The following LAMA2 variants were observed in gnomAD, a reference collection of about 807,000 sequenced individuals.
The protein encoded by LAMA2 is laminin subunit alpha 2.
LAMA2 carries 269 observed loss-of-function variants against 364.8 expected under a neutral mutation model. That is an observed-to-expected ratio of 0.74 (90% confidence interval 0.67 to 0.82). The LOEUF is 0.82. Among genes scored for constraint, LAMA2 ranks in the 40% least tolerant of loss-of-function variants. The pLI, the probability that LAMA2 is intolerant of heterozygous loss-of-function variation, is 0.00. For synonymous variants in LAMA2, 1,379 were observed against 1,370.6 expected (o/e 1.01, Z -0.14); for missense variants, 3,807 against 3,873.2 (o/e 0.98, Z 0.45).
chr6:129,304,785 G>A (rs534194465), intron 22 of LAMA2, among the ~76,000 whole-genome samples: 90 of 152,180 alleles, frequency 5.9e-4, no homozygotes, highest in African/African-American at 2.0e-3. Flanking sequence ...TCAAGGTATC[G>A]TTACTGTTAC....
chr6:129,080,127 C>A (rs1274397074), intron 3 of LAMA2, among the ~76,000 whole-genome samples: 1 of 152,042 alleles, frequency 6.6e-6, no homozygotes, highest in Non-Finnish European at 1.5e-5. Flanking sequence ...AGACACTGGA[C>A]AAAATATTTT....
intron 40 of LAMA2, among the ~76,000 whole-genome samples, chr6:129,423,324 G>A (rs909413759): frequency 1.3e-5 from 2 of 151,846 alleles, no homozygotes; most frequent in Admixed American, 1.3e-4. Flanking sequence ...CCAGTACAAG[G>A]GGCAAGAAAA....
In LAMA2 at chr6:129,088,360, C is replaced by T. The variant is rs191542415; in HGVS notation, c.397-9813C>T. Among the ~76,000 whole-genome samples the T allele has an allele frequency of 1.8e-4, 27 of 150,156 alleles. No homozygotes were observed. In the East Asian group the frequency reaches 5.2e-3, roughly 29 times the overall value. Reference sequence around the variant, plus strand: ...TCCCCACATTTCCCCCTTTTCTATTCCACAAAACCACCATCATCATCATGG... The same window carrying T: ...TCCCCACATTTCCCCCTTTTCTATTTCACAAAACCACCATCATCATCATGG... On this transcript the variant is annotated intron_variant, in intron 3 of 64. Transcript: ENST00000421865.
At position 129,445,741 on chromosome 6, in the gene LAMA2, A is replaced by G; in HGVS notation, c.6349A>G (p.Lys2117Glu). The stretch of plus-strand genomic sequence containing the variant: ...GCTAATAGATAAACTCAAACCCATC[A>G]AGGAACTTGAGGATAACCTAAAGAA... The part of the protein sequence containing the change: ...DRLIDKLKPI[K>E]ELEDNLKKNI... The change falls in exon 45 of 65, where the codon AAG becomes GAG. Residue 2117 changes from lysine to glutamate, a missense_variant. Physicochemically the swap from Lys to Glu is moderately conservative, Grantham distance 56. Coordinates refer to ENST00000421865, the MANE Select transcript of LAMA2 (RefSeq NM_000426.4). The G allele has an allele frequency of 6.2e-7, 1 of 1,613,854 alleles. No homozygotes were observed. The highest frequency in any genetic ancestry group is 1.1e-5 in the South Asian group (1 of 91,080).
intron 2 of LAMA2, among the ~76,000 whole-genome samples, chr6:129,057,491 A>G (rs1788567083): frequency 6.6e-6 from 1 of 152,190 alleles, no homozygotes; most frequent in Non-Finnish European, 1.5e-5. Context: ...AATATATTGG[A>G]GGTTATTATT....
intron 42 of LAMA2, 110 bp from the exon 43 acceptor site, chr6:129,440,706 T>C: frequency 1.0e-6 from 1 of 960,444 alleles, no homozygotes. Context: ...CCTTTTCCCT[T>C]TGTAAATGTG....
intron 16 of LAMA2, among the ~76,000 whole-genome samples, chr6:129,270,306 C>T (rs1366368992): frequency 1.1e-5 from 1 of 91,230 alleles, no homozygotes; most frequent in Non-Finnish European, 2.8e-5. Context: ...CACACACACA[C>T]ACACACACAC....
At chr6:128,930,745 A>G (rs1165725508) in intron 1 of LAMA2, among the ~76,000 whole-genome samples, 1 of 152,208 alleles carries the variant, frequency 6.6e-6, no homozygotes, top group Non-Finnish European at 1.5e-5. Context: ...CTACATCACT[A>G]TCATATTAAT....
intron 1 of LAMA2, among the ~76,000 whole-genome samples, chr6:128,997,922 A>T (rs189730657): frequency 6.6e-6 from 1 of 152,284 alleles, no homozygotes; most frequent in East Asian, 1.9e-4. Flanking sequence ...TAACGAGGTG[A>T]TTTTAAGGAT....
At chr6:129,181,233 A>G (rs1377730431) in intron 10 of LAMA2, among the ~76,000 whole-genome samples, 1 of 152,090 alleles carries the variant, frequency 6.6e-6, no homozygotes, top group Non-Finnish European at 1.5e-5. Flanking sequence ...AAATGATCTC[A>G]TCACAAAGCA....
At chr6:128,937,838 GTT>G (rs367841520) in intron 1 of LAMA2, among the ~76,000 whole-genome samples, 1 of 143,846 alleles carries the variant, frequency 7.0e-6, no homozygotes, top group African/African-American at 2.5e-5. Context: ...CTTTGTCTTA[GTT>G]TTTTTTTTCC....
intron 30 of LAMA2, among the ~76,000 whole-genome samples, chr6:129,346,172 A>G (rs1776539776): frequency 6.6e-6 from 1 of 152,176 alleles, no homozygotes; most frequent in Non-Finnish European, 1.5e-5. Context: ...GTGCCTTCCC[A>G]AGGAAAGATC....
chr6:129,074,559 A>G (rs1039050423), intron 3 of LAMA2, among the ~76,000 whole-genome samples: 1 of 152,166 alleles, frequency 6.6e-6, no homozygotes, highest in Non-Finnish European at 1.5e-5. Flanking sequence ...ATGCCTTCAA[A>G]CTGCTGTTTT....
intron 22 of LAMA2, among the ~76,000 whole-genome samples, chr6:129,306,905 C>G (rs1773914621): frequency 6.6e-6 from 1 of 152,116 alleles, no homozygotes; most frequent in African/African-American, 2.4e-5. Context: ...AAATGGTCAT[C>G]TGCAAATTCC....
At chr6:129,156,171 A>AAT (rs1277865887) in intron 8 of LAMA2, among the ~76,000 whole-genome samples, 14 of 151,222 alleles carry the variant, frequency 9.3e-5, no homozygotes, top group Admixed American at 4.6e-4. Context: ...GTATATATAT[A>AAT]ATATATATAT....
intron 9 of LAMA2, among the ~76,000 whole-genome samples, chr6:129,169,343 C>T (rs1196074861): frequency 6.7e-6 from 1 of 149,712 alleles, no homozygotes; most frequent in Non-Finnish European, 1.5e-5. Flanking sequence ...CCCATCAATA[C>T]CTAATTTATT....
At chr6:129,295,964 T>G (rs1773155513) in intron 20 of LAMA2, among the ~76,000 whole-genome samples, 1 of 151,956 alleles carries the variant, frequency 6.6e-6, no homozygotes, top group African/African-American at 2.4e-5. Context: ...TATTTCTGTT[T>G]CTGTTTGTGT....
At chr6:129,366,588 T>C (rs1009569189) in intron 33 of LAMA2, among the ~76,000 whole-genome samples, 1 of 152,206 alleles carries the variant, frequency 6.6e-6, no homozygotes, top group Non-Finnish European at 1.5e-5. Context: ...GTGTCTGGCC[T>C]AAATCAGTTT....
At chr6:128,937,332 T>C (rs183829581) in intron 1 of LAMA2, among the ~76,000 whole-genome samples, 1 of 152,308 alleles carries the variant, frequency 6.6e-6, no homozygotes, top group Admixed American at 6.5e-5. Flanking sequence ...TTTCTTTATT[T>C]GTAGTGTCCT....
Sources: gnomAD v4.1 joint callset for allele counts (sites outside exome capture counted in the v4.1 genomes callset) on GRCh38, gnomAD v4.1.1 for gene constraint, MANE v1.5 for transcripts, NCBI Gene and HGNC (gene_info 2026-07-23, HGNC 2026-07-21) for gene names.